DGLUCY: variants seen among roughly 807,000 people sequenced by gnomAD.
DGLUCY encodes D-glutamate cyclase, mitochondrial.
DGLUCY carries 58 observed loss-of-function variants against 58.5 expected under a neutral mutation model. The ratio of observed to expected loss-of-function variants is 0.99; its 90% confidence interval spans 0.80 to 1.23. The LOEUF is 1.23. DGLUCY is among the 50% of genes most tolerant of loss of function. The pLI, the probability that DGLUCY is intolerant of heterozygous loss-of-function variation, is 0.00. For missense variants in DGLUCY, 779 were observed against 784.7 expected (o/e 0.99, Z 0.09); for synonymous variants, 325 against 314.1 (o/e 1.03, Z -0.37).
intron 1 of DGLUCY, among the ~76,000 whole-genome samples, chr14:91,148,118 G>C (rs1262810331): frequency 6.6e-6 from 1 of 152,136 alleles, no homozygotes; most frequent in Non-Finnish European, 1.5e-5. Context: ...AGGTTACAGT[G>C]AGCCAAGATT....
chr14:91,202,261 C>A lies in DGLUCY; in HGVS notation c.1444+2356C>A, dbSNP rs190413384. Among the ~76,000 whole-genome samples, 1,326 of 152,092 alleles carry A rather than the reference C, an allele frequency of 8.7e-3. 10 individuals are homozygous for A. Among genetic ancestry groups the A allele is most frequent in the Non-Finnish European group, 0.015 (1,015 of 67,990 alleles). On this transcript the variant is annotated intron_variant, in intron 11 of 13. Coordinates refer to ENST00000256324, the MANE Select transcript of DGLUCY (RefSeq NM_001102368.3). ...AGCATTAGGAGTAGACTGCAGACTCCTGGGGCCCCAGCCCTTTATCAGGGA... is the reference window on the plus strand; with the variant it reads ...AGCATTAGGAGTAGACTGCAGACTCATGGGGCCCCAGCCCTTTATCAGGGA...
At chr14:91,223,457 C>CAGGGAGAAGGAAGAGGAGGAGGAGG (rs1887800637) in intron 13 of DGLUCY, among the ~76,000 whole-genome samples, 1 of 151,934 alleles carries the variant, frequency 6.6e-6, no homozygotes, top group Non-Finnish European at 1.5e-5. Flanking sequence ...AGGAAGAAGA[C>CAGGGAGAAGGAAGAGGAGGAGGAGG]AGGGAGAAGG....
intron 1 of DGLUCY, among the ~76,000 whole-genome samples, chr14:91,153,374 G>A (rs542139698): frequency 4.6e-5 from 7 of 152,072 alleles, no homozygotes; most frequent in African/African-American, 7.2e-5. Context: ...GTAGAGACAG[G>A]GTTTCACCAT....
intron 1 of DGLUCY, among the ~76,000 whole-genome samples, chr14:91,077,897 T>A (rs925297201): frequency 6.7e-6 from 1 of 149,522 alleles, no homozygotes; most frequent in African/African-American, 2.4e-5. Flanking sequence ...GGAAGGAAGT[T>A]AGTTCCAATC....
Position 91,169,257 on chromosome 14 carries a change from A to G in DGLUCY, c.258-746A>G, listed in dbSNP as rs144577689. Among the ~76,000 whole-genome samples the G allele has an allele frequency of 1.2e-3, 182 of 152,178 alleles. 1 individual carries two copies. The highest frequency in any genetic ancestry group is 4.6e-3 in the Admixed American group (71 of 15,286). ...AGCTTGTAACCAAAGAAGTCTTTCA[A>G]CCCTACAGAAGAGTTTCCTTTAAGG... On this transcript the variant is annotated intron_variant, in intron 4 of 13. Transcript: ENST00000256324.
chr14:91,075,115 C>G (rs1418481560), intron 1 of DGLUCY, among the ~76,000 whole-genome samples: 2 of 150,488 alleles, frequency 1.3e-5, no homozygotes, highest in East Asian at 3.9e-4. Context: ...TTTTATCGTA[C>G]AAACTTCTTT....
At chr14:91,104,064 T>TTTTCTTTTTTTC (rs2044541020), upstream of DGLUCY, among the ~76,000 whole-genome samples, 1 of 113,962 alleles carries the variant, frequency 8.8e-6, no homozygotes, top group Non-Finnish European at 1.7e-5. Context: ...AAACATTCTT[T>TTTTCTTTTTTTC]TTTTTTTTTT....
At chr14:91,075,515 G>A (rs2044005392) in intron 1 of DGLUCY, among the ~76,000 whole-genome samples, 2 of 152,064 alleles carry the variant, frequency 1.3e-5, no homozygotes, top group Admixed American at 1.3e-4. Context: ...TGAATATATT[G>A]TATTGGAGCT....
At chr14:91,150,477 T>C (rs982120935) in intron 1 of DGLUCY, among the ~76,000 whole-genome samples, 3 of 152,124 alleles carry the variant, frequency 2.0e-5, no homozygotes, top group Non-Finnish European at 4.4e-5. Flanking sequence ...AATGTCTCAC[T>C]GTCCCCCAGG....
chr14:91,185,395 A>C (rs1036149692), intron 8 of DGLUCY: 1 of 136,138 alleles, frequency 7.3e-6, no homozygotes, highest in African/African-American at 2.8e-5. Context: ...GTACCCTCCC[A>C]CCTCAGCCTC....
At chr14:91,088,031 G>T (rs530828550) in intron 1 of DGLUCY, among the ~76,000 whole-genome samples, 1 of 152,262 alleles carries the variant, frequency 6.6e-6, no homozygotes, top group South Asian at 2.1e-4. Context: ...AAGCAGAGGG[G>T]AGTCTCCAAG....
At chr14:91,104,871 G>A (rs147690417), upstream of DGLUCY, among the ~76,000 whole-genome samples, 349 of 152,290 alleles carry the variant, frequency 2.3e-3, 2 homozygotes, top group African/African-American at 7.4e-3. Context: ...TGATCTGGCA[G>A]CCTCAGTTTT....
intron 9 of DGLUCY, among the ~76,000 whole-genome samples, 176 bp downstream of exon 9, chr14:91,189,346 A>T (rs796941624): frequency 6.6e-5 from 10 of 152,280 alleles, no homozygotes; most frequent in African/African-American, 2.4e-4. Context: ...GATCCAGGGG[A>T]TTTTCCCAGG....
chr14:91,211,923 C>T (rs1290306414), intron 12 of DGLUCY, among the ~76,000 whole-genome samples: 1 of 152,182 alleles, frequency 6.6e-6, no homozygotes, highest in Non-Finnish European at 1.5e-5. Context: ...GCCTCAGCCT[C>T]CCCAGTAGCT....
intron 3 of DGLUCY, among the ~76,000 whole-genome samples, chr14:91,166,403 G>T (rs560471717): frequency 6.6e-6 from 1 of 152,264 alleles, no homozygotes; most frequent in Non-Finnish European, 1.5e-5. Context: ...GGTGGCTCAC[G>T]CCTGTAAGCC....
intron 1 of DGLUCY, among the ~76,000 whole-genome samples, chr14:91,061,187 T>C (rs2043668550): frequency 6.6e-6 from 1 of 152,172 alleles, no homozygotes; most frequent in South Asian, 2.1e-4. Context: ...TCCATGCGTG[T>C]GTGACAACCA....
chr14:91,084,184 C>G (rs1434488423), intron 1 of DGLUCY, among the ~76,000 whole-genome samples: 1 of 151,246 alleles, frequency 6.6e-6, no homozygotes, highest in East Asian at 1.9e-4. Flanking sequence ...TAGCAGTTCT[C>G]TCCACCATCA....
At chr14:91,208,940 A>C (rs57592410) in intron 12 of DGLUCY, among the ~76,000 whole-genome samples, 23 of 152,214 alleles carry the variant, frequency 1.5e-4, no homozygotes, top group Non-Finnish European at 3.1e-4. Context: ...TAAAAGTAGA[A>C]TTTACATGCT....
chr14:91,166,446 C>A (rs1566977636), intron 3 of DGLUCY, among the ~76,000 whole-genome samples: 1 of 152,168 alleles, frequency 6.6e-6, no homozygotes, highest in African/African-American at 2.4e-5. Context: ...AGGCAGATCA[C>A]TTGAGCCCAG....
Sources: allele counts gnomAD v4.1 joint callset (sites outside exome capture counted in the v4.1 genomes callset), GRCh38; gene constraint gnomAD v4.1.1; transcripts MANE v1.5; gene names NCBI Gene and HGNC (gene_info 2026-07-23, HGNC 2026-07-21).